The following ATP1A1 variants were observed in gnomAD, a reference collection of about 807,000 sequenced individuals.
ATP1A1 encodes the protein sodium/potassium-transporting ATPase subunit alpha-1.
Under a neutral mutation model 114.8 loss-of-function variants are expected in ATP1A1, and 14 were observed. That is an observed-to-expected ratio of 0.12 (90% CI 0.08 to 0.19). The LOEUF (loss-of-function observed/expected upper bound fraction) is 0.19, where lower values mean the gene tolerates loss of function less well. Ranked by LOEUF, ATP1A1 falls within the 10% of genes least tolerant of loss-of-function variation. The pLI, the probability that ATP1A1 is intolerant of heterozygous loss-of-function variation, is 1.00. For synonymous variants in ATP1A1, 471 were observed against 466.3 expected (o/e 1.01, Z -0.13); for missense variants, 524 against 1,290.7 (o/e 0.41, Z 9.10).
chr1:116,399,569 C>G lies in ATP1A1; in HGVS notation c.2572+26C>G, dbSNP rs1408255585. 1.2e-6 allele frequency: 2 copies of G among 1,613,098 alleles called. No individual in the cohort carries two copies. The highest frequency in any genetic ancestry group is 1.7e-6 in the Non-Finnish European group (2 of 1,179,550). On this transcript the variant is annotated intron_variant, in intron 18 of 22. Transcript: ENST00000295598. This position sits in a 1 kb window ranked among gnomAD's most constrained non-coding sequence, Gnocchi z 5.0. ...GTAAGCTGCAGCCTGGAGTGGGAAG[C>G]TGGCACATCTAAGGCATCTGAGGTG... is the stretch of plus-strand genomic sequence containing the variant.
chr1:116,374,153 A>G, intron 1 of ATP1A1: 2 of 1,548,846 alleles, frequency 1.3e-6, no homozygotes, highest in Non-Finnish European at 1.7e-6. Context: ...TCCCCCAAAG[A>G]AAAAACTGGC....
chr1:116,375,328 A>G (rs2101027885), intron 1 of ATP1A1, among the ~76,000 whole-genome samples: 1 of 152,336 alleles, frequency 6.6e-6, no homozygotes, highest in African/African-American at 2.4e-5. Flanking sequence ...TGAGTTCTTT[A>G]TACAGAACTC....
At chr1:116,373,932 C>G (rs1263512640) in intron 1 of ATP1A1, 3 of 1,318,674 alleles carry the variant, frequency 2.3e-6, no homozygotes, top group African/African-American at 1.6e-5. Flanking sequence ...CTGCGACCGC[C>G]GTCACCTCCT....
In ATP1A1 at chr1:116,388,872, T is replaced by A. The variant is rs1332994051; in HGVS notation, c.637-30T>A. The A allele has an allele frequency of 6.2e-7, 1 of 1,613,624 alleles. No individual in the cohort carries two copies. The highest frequency in any genetic ancestry group is 8.5e-7 in the Non-Finnish European group (1 of 1,179,616). ...CCATGATAAGGCTGGTGTATTCACA[T>A]GACATTTTTCTTCTTTTCCTCACAT... is the stretch of plus-strand genomic sequence containing the variant. On this transcript the variant is annotated intron_variant, in intron 6 of 22. Transcript: ENST00000295598. This position sits in a 1 kb window ranked among gnomAD's most constrained non-coding sequence, Gnocchi z 5.6.
At chr1:116,402,264 G>A (rs1327881466) in intron 21 of ATP1A1, among the ~76,000 whole-genome samples, 1 of 152,214 alleles carries the variant, frequency 6.6e-6, no homozygotes, top group African/African-American at 2.4e-5. Flanking sequence ...AACTCCGTTA[G>A]TTTTTTGCAA....
rs776666372 is a variant in ATP1A1 at position 116,389,443 on chromosome 1, C to T, written c.759C>T (p.Thr253=). The T allele has an allele frequency of 1.2e-5, 19 of 1,613,918 alleles. No homozygotes were observed. The highest frequency in any genetic ancestry group is 3.3e-4 in the Middle Eastern group (2 of 6,060). Residue 253 remains threonine (T), a synonymous_variant, in exon 8 of 23, where the codon ACC becomes ACT. Transcript: ENST00000295598. This position sits in a 1 kb window ranked among gnomAD's most constrained non-coding sequence, Gnocchi z 6.9. The stretch of plus-strand genomic sequence containing the variant: ...CTCCCTCCCCTTCTTTTTAAGGCAC[C>T]GCACGTGGTATTGTTGTCTACACTG... ...AFFSTNCVEG[T]ARGIVVYTGD...
In ATP1A1 at chr1:116,388,362, T is replaced by A. The variant is rs1316830636; in HGVS notation, c.501+118T>A. 2.0e-6 allele frequency: 2 copies of A among 1,023,960 alleles called. No homozygotes were observed. The highest frequency in any genetic ancestry group is 2.9e-6 in the Non-Finnish European group (2 of 687,138). 63.4% of individuals were successfully genotyped at this position (1,023,960 alleles called of 1,614,324 possible). A position where few individuals can be genotyped will look rare whatever the true frequency, so the allele number is the denominator to read the frequency against. On this transcript the variant is annotated intron_variant, in intron 5 of 22. Coordinates refer to ENST00000295598, the MANE Select transcript of ATP1A1 (RefSeq NM_000701.8). The surrounding 1 kb of genome is among the most constrained non-coding windows in gnomAD (Gnocchi z 5.6). ...TTACATGACTCATCAGAGAGATGGA[T>A]GTCTTCTACCCCACCCAAAACCAAC...
rs1002314012 is a variant in ATP1A1, at chr1:116,395,005, A to G, written c.1661-105A>G. The G allele has an allele frequency of 3.3e-6, 4 of 1,225,908 alleles. No homozygotes were observed. The highest frequency in any genetic ancestry group is 2.6e-5 in the Admixed American group (1 of 39,148). The allele number at this position is 1,225,908 out of a possible 1,614,324, so 75.9% of individuals were successfully genotyped here. Reference sequence around the variant, plus strand: ...AAAATATAGACTTTAAAAATTTTCCAAAGTAAACACTCCAGAGAAAGGTAG... The same window carrying G: ...AAAATATAGACTTTAAAAATTTTCCGAAGTAAACACTCCAGAGAAAGGTAG... On this transcript the variant is annotated intron_variant, in intron 12 of 22. Transcript: ENST00000295598. This position sits in a 1 kb window ranked among gnomAD's most constrained non-coding sequence, Gnocchi z 6.4.
chr1:116,388,047 G>T lies in ATP1A1; in HGVS notation c.388-84G>T, dbSNP rs1256228775. ...ATCTTGGTTTCTCTATTAAAAATCTGTTTTTTATTCAGTCAAAAAATTAAT... is the reference window on the plus strand; with the variant it reads ...ATCTTGGTTTCTCTATTAAAAATCTTTTTTTTATTCAGTCAAAAAATTAAT... On this transcript the variant is annotated intron_variant, in intron 4 of 22. Transcript: ENST00000295598. The surrounding 1 kb of genome is among the most constrained non-coding windows in gnomAD (Gnocchi z 5.6). 8 of 893,586 alleles carry T rather than the reference G, an allele frequency of 9.0e-6. No homozygotes were observed. Among genetic ancestry groups the T allele is most frequent in the Non-Finnish European group, 1.2e-5 (7 of 564,764 alleles). The allele number at this position is 893,586 out of a possible 1,614,324, so 55.4% of individuals were successfully genotyped here. A position where few individuals can be genotyped will look rare whatever the true frequency, so the allele number is the denominator to read the frequency against.
At position 116,397,217 on chromosome 1, in the gene ATP1A1, A is replaced by G. The variant is rs1019161530; in HGVS notation, c.1973+483A>G. 6.6e-6 allele frequency among the ~76,000 whole-genome samples: 1 copy of G among 152,222 alleles called. No homozygotes were observed. Among genetic ancestry groups the G allele is most frequent in the Non-Finnish European group, 1.5e-5 (1 of 68,036 alleles). ...ATTTGGCAATGAAGTAAAACAGATAATAGCAAATTGGTTTTGTTTTAAGGT... is the reference window on the plus strand; with the variant it reads ...ATTTGGCAATGAAGTAAAACAGATAGTAGCAAATTGGTTTTGTTTTAAGGT... On this transcript the variant is annotated intron_variant, in intron 14 of 22. Coordinates refer to ENST00000295598, the MANE Select transcript of ATP1A1 (RefSeq NM_000701.8). This position sits in a 1 kb window ranked among gnomAD's most constrained non-coding sequence, Gnocchi z 4.2.
rs995558819 is a variant in ATP1A1 at position 116,401,900 on chromosome 1, C to T, written c.2951+245C>T. ...TAAGATAAAGCCACACAGGCTCTAGCTCCATGGAACTGCTCAACAGCGAAC... is the reference window on the plus strand; with the variant it reads ...TAAGATAAAGCCACACAGGCTCTAGTTCCATGGAACTGCTCAACAGCGAAC... On this transcript the variant is annotated intron_variant, in intron 21 of 22. Coordinates refer to ENST00000295598, the MANE Select transcript of ATP1A1 (RefSeq NM_000701.8). The surrounding 1 kb of genome is among the most constrained non-coding windows in gnomAD (Gnocchi z 4.7). 3.7e-6 allele frequency: 2 copies of T among 540,348 alleles called. No homozygotes were observed. Among genetic ancestry groups the T allele is most frequent in the Non-Finnish European group, 6.6e-6 (2 of 304,754 alleles). The allele number at this position is 540,348 out of a possible 1,614,324, so 33.5% of individuals were successfully genotyped here. A position where few individuals can be genotyped will look rare whatever the true frequency, so the allele number is the denominator to read the frequency against.
At chr1:116,392,118 C>T (rs1652514772) in intron 10 of ATP1A1, 1 of 152,168 alleles carries the variant, frequency 6.6e-6, no homozygotes, top group African/African-American at 2.4e-5. Context: ...TGTTAAGGTT[C>T]TAAAAGGTTT....
At position 116,388,184 on chromosome 1, in the gene ATP1A1, C is replaced by G. The variant is rs1256819683; in HGVS notation, c.441C>G (p.Ser147=). Reference sequence around the variant, plus strand: ...TTGTAATCATAACTGGTTGCTTCTCCTACTATCAAGAAGCTAAAAGTTCAA... The same window carrying G: ...TTGTAATCATAACTGGTTGCTTCTCGTACTATCAAGAAGCTAAAAGTTCAA... ...SAVVIITGCF[S]YYQEAKSSKI... is the part of the protein sequence containing the mutation. The change falls in exon 5 of 23, where the codon TCC becomes TCG. Residue 147 remains serine, a synonymous_variant. Transcript: ENST00000295598. This position sits in a 1 kb window ranked among gnomAD's most constrained non-coding sequence, Gnocchi z 5.6. The G allele has an allele frequency of 1.2e-6, 2 of 1,613,980 alleles. No homozygotes were observed. Among genetic ancestry groups the G allele is most frequent in the African/African-American group, 2.7e-5 (2 of 74,896 alleles).
chr1:116,384,917 G>A lies in ATP1A1; in HGVS notation c.183+75G>A, dbSNP rs746018246. On this transcript the variant is annotated intron_variant, in intron 3 of 22. Transcript: ENST00000295598. The surrounding 1 kb of genome is among the most constrained non-coding windows in gnomAD (Gnocchi z 5.1). ...ATATTTTCCCCTGTATTACATACAG[G>A]TCTAACCTCAGGGGCTCTAGTAAGA... The A allele has an allele frequency of 7.0e-7, 1 of 1,429,486 alleles. No individual in the cohort carries two copies. The highest frequency in any genetic ancestry group is 1.2e-5 in the South Asian group (1 of 85,954). The allele number at this position is 1,429,486 out of a possible 1,614,324, so 88.6% of individuals were successfully genotyped here.
In ATP1A1 at chr1:116,401,348, A is replaced by C. The variant is rs1653461954; in HGVS notation, c.2849+88A>C. ...CTTTGCCAAAAACTAAACATATGAC[A>C]CATATAGCCAGGTTTCTGGAATCTC... On this transcript the variant is annotated intron_variant, in intron 20 of 22. Coordinates refer to ENST00000295598, the MANE Select transcript of ATP1A1 (RefSeq NM_000701.8). The surrounding 1 kb of genome is among the most constrained non-coding windows in gnomAD (Gnocchi z 4.7). 6.3e-7 allele frequency: 1 copy of C among 1,584,028 alleles called. No individual in the cohort carries two copies. The highest frequency in any genetic ancestry group is 1.4e-5 in the African/African-American group (1 of 73,936).
chr1:116,390,060 T>C, intron 8 of ATP1A1, 153 bp from the exon 9 acceptor site: 1 of 803,058 alleles, frequency 1.2e-6, no homozygotes, highest in Non-Finnish European at 2.0e-6. Flanking sequence ...GGAAGCCTCA[T>C]GTATGGGTTC....
chr1:116,374,182 C>T (rs1482778010), intron 1 of ATP1A1: 1 of 1,550,282 alleles, frequency 6.5e-7, no homozygotes. Flanking sequence ...AGTGCGAAGC[C>T]GGCTGGGCGG....
At chr1:116,391,874 TC>T (rs1321127729) in intron 10 of ATP1A1, among the ~76,000 whole-genome samples, 2 of 152,342 alleles carry the variant, frequency 1.3e-5, no homozygotes, top group East Asian at 3.9e-4. Context: ...GAAGCTGTAT[TC>T]CAAGTATTTC....
chr1:116,375,261 C>T (rs1282981412), intron 1 of ATP1A1, among the ~76,000 whole-genome samples: 3 of 152,198 alleles, frequency 2.0e-5, no homozygotes, highest in Non-Finnish European at 4.4e-5. Flanking sequence ...ACTAGGCGTC[C>T]CTGATTCTTG....
Sources: gnomAD v4.1 joint callset for allele counts (sites outside exome capture counted in the v4.1 genomes callset) on GRCh38, gnomAD v4.1.1 for gene constraint, Gnocchi (gnomAD v3.1) non-coding constraint, MANE v1.5 for transcripts, NCBI Gene and HGNC (gene_info 2026-07-23, HGNC 2026-07-21) for gene names.